CREB5: variants seen among roughly 807,000 people sequenced by gnomAD.
CREB5 encodes cAMP responsive element binding protein 5.
CREB5 carries 19 observed loss-of-function variants against 57.1 expected under a neutral mutation model. That is an observed-to-expected ratio of 0.33 (90% CI 0.23 to 0.49). CREB5 has a LOEUF of 0.49. CREB5 is among the 20% of genes least tolerant of loss of function. CREB5 has a pLI of 0.99. For missense variants in CREB5, 579 were observed against 671.6 expected (o/e 0.86, Z 1.52); for synonymous variants, 238 against 238.3 (o/e 1.00, Z 0.01).
In CREB5 at chr7:28,804,291, G is replaced by A; in HGVS notation, c.795G>A (p.Arg265=). 1 of 1,614,002 alleles carries A rather than the reference G, an allele frequency of 6.2e-7. No individual in the cohort carries two copies. The highest frequency in any genetic ancestry group is 1.7e-5 in the Admixed American group (1 of 59,998). ...ACATGATGGAGATGATGGGCTCCCG[G>A]CAGGACCAGACGCCACACCATCACA... ...MGHMMEMMGS[R]QDQTPHHHMH... Residue 265 remains arginine, a synonymous_variant, in exon 8 of 11, where the codon CGG becomes CGA. Transcript: ENST00000357727.
intron 5 of CREB5, among the ~76,000 whole-genome samples, chr7:28,574,139 A>G (rs566568282): frequency 6.6e-6 from 1 of 152,326 alleles, no homozygotes; most frequent in East Asian, 1.9e-4. Flanking sequence ...GATTGATGGT[A>G]GCGTTTTCAG....
intron 5 of CREB5, among the ~76,000 whole-genome samples, chr7:28,680,885 T>A (rs1423134279): frequency 1.3e-5 from 2 of 152,184 alleles, no homozygotes; most frequent in African/African-American, 4.8e-5. Flanking sequence ...TCTTTGGACA[T>A]GATAAAGTCC....
chr7:28,350,281 A>G (rs2127990433), intron 1 of CREB5, among the ~76,000 whole-genome samples: 1 of 152,272 alleles, frequency 6.6e-6, no homozygotes, highest in Non-Finnish European at 1.5e-5. Context: ...TCTCTGAGAG[A>G]GAAGACTGGC....
At chr7:28,476,194 G>C (rs909415154) in intron 1 of CREB5, among the ~76,000 whole-genome samples, 1 of 152,150 alleles carries the variant, frequency 6.6e-6, no homozygotes, top group Non-Finnish European at 1.5e-5. Context: ...CTACTTGGCA[G>C]CCTTCAAGTA....
chr7:28,522,192 T>C (rs866513777), intron 4 of CREB5, among the ~76,000 whole-genome samples: 2 of 152,194 alleles, frequency 1.3e-5, no homozygotes, highest in Non-Finnish European at 2.9e-5. Flanking sequence ...ATTGAGTATA[T>C]AGGACTGTCT....
At chr7:28,775,907 G>A (rs1806596676) in intron 7 of CREB5, among the ~76,000 whole-genome samples, 2 of 152,118 alleles carry the variant, frequency 1.3e-5, no homozygotes, top group Middle Eastern at 3.2e-3. Context: ...TGAATTAAAT[G>A]CTTGCAAGAG....
chr7:28,611,936 GAA>G (rs1562526906), intron 5 of CREB5, among the ~76,000 whole-genome samples: 70 of 151,958 alleles, frequency 4.6e-4, no homozygotes, highest in African/African-American at 1.6e-3. Flanking sequence ...ACAAAGAAAA[GAA>G]AAGAAGGAAA....
intron 1 of CREB5, among the ~76,000 whole-genome samples, chr7:28,338,363 A>G (rs1469503101): frequency 1.3e-5 from 2 of 152,112 alleles, no homozygotes; most frequent in East Asian, 3.9e-4. Flanking sequence ...TTTCTCCTTC[A>G]TGTTTGAGGG....
intron 1 of CREB5, among the ~76,000 whole-genome samples, chr7:28,318,089 A>C (rs1785414780): frequency 6.6e-6 from 1 of 152,236 alleles, no homozygotes; most frequent in Admixed American, 6.5e-5. Flanking sequence ...CAAATATATG[A>C]AGTTATCTGA....
intron 5 of CREB5, among the ~76,000 whole-genome samples, chr7:28,584,104 G>T (rs1796224801): frequency 6.6e-6 from 1 of 152,100 alleles, no homozygotes; most frequent in Non-Finnish European, 1.5e-5. Flanking sequence ...AACTCTGCCG[G>T]TGGGAATACC....
chr7:28,464,112 T>C (rs1235955743), intron 1 of CREB5, among the ~76,000 whole-genome samples: 2 of 152,202 alleles, frequency 1.3e-5, no homozygotes, highest in Non-Finnish European at 2.9e-5. Context: ...CTTTATTCTA[T>C]TGAGTCTGAT....
At chr7:28,335,522 G>A (rs1212723990) in intron 1 of CREB5, among the ~76,000 whole-genome samples, 1 of 151,940 alleles carries the variant, frequency 6.6e-6, no homozygotes, top group East Asian at 1.9e-4. Context: ...CTATAGAAAT[G>A]CTACTAAGTT....
intron 1 of CREB5, among the ~76,000 whole-genome samples, chr7:28,370,328 C>T (rs552944322): frequency 5.9e-5 from 9 of 152,270 alleles, no homozygotes; most frequent in African/African-American, 1.7e-4. Flanking sequence ...CTCTCTGCCT[C>T]ATTTTGTCAT....
chr7:28,491,177 A>G, intron 2 of CREB5: 2 of 984,228 alleles, frequency 2.0e-6, no homozygotes, highest in Non-Finnish European at 1.2e-6. Flanking sequence ...ATATAACGGT[A>G]GCCTGAGAAG....
chr7:28,625,819 C>A (rs1038387644), intron 5 of CREB5, among the ~76,000 whole-genome samples: 4 of 152,182 alleles, frequency 2.6e-5, no homozygotes, highest in Non-Finnish European at 5.9e-5. Flanking sequence ...TTATTGGCCA[C>A]TCATTTTGTT....
intron 5 of CREB5, among the ~76,000 whole-genome samples, chr7:28,677,597 A>G (rs1459744975): frequency 1.3e-5 from 2 of 152,184 alleles, no homozygotes; most frequent in African/African-American, 2.4e-5. Context: ...CCTGGGGTCC[A>G]TGGTTAAAAG....
chr7:28,710,235 T>C (rs1377210030), intron 5 of CREB5, among the ~76,000 whole-genome samples: 1 of 152,258 alleles, frequency 6.6e-6, no homozygotes, highest in Non-Finnish European at 1.5e-5. Flanking sequence ...GTTCCATTTA[T>C]GACTTGTAAA....
chr7:28,822,895 T>A lies in CREB5; in HGVS notation c.*3616T>A, dbSNP rs1269910307. On this transcript the variant is annotated 3_prime_UTR_variant, in exon 11 of 11. Transcript: ENST00000357727. ...CTGCGGCCACATCAACGGATGCAAG[T>A]CACAGTCTTAACACAGCCTGTGGGA... The A allele has an allele frequency of 6.6e-6, 1 of 152,626 alleles. No homozygotes were observed. The highest frequency in any genetic ancestry group is 6.5e-5 in the Admixed American group (1 of 15,280). 9.5% of individuals were successfully genotyped at this position (152,626 alleles called of 1,614,324 possible).
At chr7:28,703,621 G>T (rs559231186) in intron 5 of CREB5, among the ~76,000 whole-genome samples, 1 of 152,130 alleles carries the variant, frequency 6.6e-6, no homozygotes, top group Non-Finnish European at 1.5e-5. Flanking sequence ...AGCACCAATG[G>T]TGTTGCTCCC....
Sources: allele counts gnomAD v4.1 joint callset (sites outside exome capture counted in the v4.1 genomes callset), GRCh38; gene constraint gnomAD v4.1.1; transcripts MANE v1.5; gene names NCBI Gene and HGNC (gene_info 2026-07-23, HGNC 2026-07-21).